PHF14: variants seen among roughly 807,000 people sequenced by gnomAD.
PHF14 encodes PHD finger protein 14.
PHF14 carries 55 observed loss-of-function variants against 117.9 expected under a neutral mutation model. The observed-to-expected ratio is 0.47, with a 90% CI of 0.38 to 0.58. The LOEUF (loss-of-function observed/expected upper bound fraction) is 0.58, where lower values mean the gene tolerates loss of function less well. PHF14 is among the 20% of genes least tolerant of loss of function. PHF14 has a pLI of 0.00. For synonymous variants in PHF14, 409 were observed against 368.6 expected (o/e 1.11, Z -1.26); for missense variants, 978 against 1,122.2 (o/e 0.87, Z 1.84).
At chr7:11,168,768 T>C (rs1177264312) in intron 17 of PHF14, among the ~76,000 whole-genome samples, 4 of 152,216 alleles carry the variant, frequency 2.6e-5, no homozygotes, top group Non-Finnish European at 4.4e-5. Context: ...TCATTGCTTA[T>C]ACTTTGAAGG....
At chr7:11,006,923 C>A (rs1252813370) in intron 4 of PHF14, 2 of 464,882 alleles carry the variant, frequency 4.3e-6, no homozygotes, top group Non-Finnish European at 8.1e-6. Flanking sequence ...ACCTTTAATC[C>A]CAGCATGTTG....
intron 16 of PHF14, chr7:11,103,414 G>C (rs922103297): frequency 2.5e-5 from 25 of 981,664 alleles, no homozygotes; most frequent in Non-Finnish European, 2.5e-5. Flanking sequence ...CAACCTACCA[G>C]CTGAAAGAAA....
chr7:11,116,567 T>C (rs1258697691), intron 17 of PHF14, among the ~76,000 whole-genome samples: 2 of 151,984 alleles, frequency 1.3e-5, no homozygotes, highest in African/African-American at 4.8e-5. Context: ...TAATGTATAC[T>C]CTTGTATCAT....
chr7:11,097,042 C>G (rs1207759703), intron 16 of PHF14, among the ~76,000 whole-genome samples: 1 of 146,936 alleles, frequency 6.8e-6, no homozygotes, highest in African/African-American at 2.6e-5. Flanking sequence ...TGCAATGGCA[C>G]GATCTCGGCT....
At chr7:11,057,891 C>G (rs1050409733) in intron 14 of PHF14, among the ~76,000 whole-genome samples, 3 of 151,808 alleles carry the variant, frequency 2.0e-5, no homozygotes, top group South Asian at 4.2e-4. Flanking sequence ...AAAAGAAAAA[C>G]AAAAAATTGG....
intron 16 of PHF14, among the ~76,000 whole-genome samples, chr7:11,066,177 ATTTG>A (rs1459087901): frequency 1.3e-5 from 2 of 152,294 alleles, no homozygotes; most frequent in Admixed American, 6.5e-5. Context: ...CCCCAACTAA[ATTTG>A]TTTGTGTCAT....
At chr7:11,093,261 G>C (rs1366938373) in intron 16 of PHF14, among the ~76,000 whole-genome samples, 2 of 152,106 alleles carry the variant, frequency 1.3e-5, no homozygotes, top group Non-Finnish European at 2.9e-5. Context: ...CTTGACAGTG[G>C]ATTTTCTTTT....
intron 16 of PHF14, among the ~76,000 whole-genome samples, chr7:11,100,194 A>T (rs1480560171): frequency 6.6e-6 from 1 of 152,066 alleles, no homozygotes; most frequent in Non-Finnish European, 1.5e-5. Context: ...AGACATTTGA[A>T]ATAGACATAA....
At chr7:11,106,312 T>C (rs1787261097) in intron 16 of PHF14, 1 of 977,524 alleles carries the variant, frequency 1.0e-6, no homozygotes, top group East Asian at 1.1e-4. Flanking sequence ...TACCCATTCA[T>C]TCATTATTGG....
chr7:11,109,674 C>G (rs1168993490), intron 16 of PHF14: 2 of 151,756 alleles, frequency 1.3e-5, no homozygotes, highest in East Asian at 3.8e-4. Flanking sequence ...CTCTTTATGT[C>G]ACATTTGAAC....
At chr7:11,018,621 C>T (rs1316790261) in intron 5 of PHF14, among the ~76,000 whole-genome samples, 13 of 152,170 alleles carry the variant, frequency 8.5e-5, no homozygotes, top group Non-Finnish European at 1.5e-4. Flanking sequence ...CTGAATTTAT[C>T]GGTTCTAATA....
intron 16 of PHF14, among the ~76,000 whole-genome samples, chr7:11,083,164 C>G (rs970694118): frequency 6.6e-6 from 1 of 152,146 alleles, no homozygotes; most frequent in African/African-American, 2.4e-5. Flanking sequence ...GCAGGATTTG[C>G]GTCAGGGATA....
chr7:11,043,338 A>G (rs1295147362), intron 13 of PHF14, among the ~76,000 whole-genome samples: 2 of 151,888 alleles, frequency 1.3e-5, no homozygotes, highest in African/African-American at 2.4e-5. Flanking sequence ...GATAAAGGTT[A>G]TAGTATCTAT....
intron 16 of PHF14, among the ~76,000 whole-genome samples, chr7:11,067,562 T>C (rs1157515876): frequency 6.6e-6 from 1 of 152,230 alleles, no homozygotes; most frequent in Non-Finnish European, 1.5e-5. Context: ...CAACCCAAGT[T>C]CCACTGATGG....
At chr7:11,040,093 T>G (rs1256059171) in intron 11 of PHF14, among the ~76,000 whole-genome samples, 2 of 152,130 alleles carry the variant, frequency 1.3e-5, no homozygotes, top group African/African-American at 4.8e-5. Context: ...ACAGCAGAAG[T>G]AGAATTCATT....
chr7:10,995,592 A>G (rs1411204808), intron 4 of PHF14, among the ~76,000 whole-genome samples: 1 of 152,192 alleles, frequency 6.6e-6, no homozygotes, highest in South Asian at 2.1e-4. Flanking sequence ...ACCGCGCCAC[A>G]GAGCGGGGGC....
At chr7:10,992,689 C>T (rs1040246149) in intron 4 of PHF14, among the ~76,000 whole-genome samples, 4 of 151,972 alleles carry the variant, frequency 2.6e-5, no homozygotes, top group Admixed American at 2.6e-4. Context: ...CAAAAAAAGG[C>T]ATTCTCTTAC....
chr7:10,995,915 A>T (rs1456990121), intron 4 of PHF14, among the ~76,000 whole-genome samples: 1 of 151,490 alleles, frequency 6.6e-6, no homozygotes, highest in Admixed American at 6.6e-5. Flanking sequence ...CTCCCTCCAC[A>T]CCTCCCCGCA....
intron 16 of PHF14, chr7:11,109,306 A>C (rs191086984): frequency 6.6e-6 from 1 of 151,920 alleles, no homozygotes; most frequent in East Asian, 1.9e-4. Context: ...TTCAAATAGA[A>C]CAGCTGACTC....
Sources: gnomAD v4.1 joint callset for allele counts (sites outside exome capture counted in the v4.1 genomes callset) on GRCh38, gnomAD v4.1.1 for gene constraint, MANE v1.5 for transcripts, NCBI Gene and HGNC (gene_info 2026-07-23, HGNC 2026-07-21) for gene names.